The following EVI5L variants were observed in gnomAD, a reference collection of about 807,000 sequenced individuals.
EVI5L encodes the protein ecotropic viral integration site 5 like, also known as EVI5-like protein.
A neutral mutation model predicts 106.1 loss-of-function variants in EVI5L; 30 were observed. The ratio of observed to expected loss-of-function variants is 0.28; its 90% CI spans 0.21 to 0.38. EVI5L has a LOEUF of 0.38. EVI5L is among the 10% of genes least tolerant of loss of function. The pLI is 1.00. For missense variants in EVI5L, 809 were observed against 1,098.0 expected (o/e 0.74, Z 3.72); for synonymous variants, 489 against 483.3 (o/e 1.01, Z -0.15).
chr19:7,863,256 C>T lies in EVI5L; in HGVS notation c.2115C>T (p.Asp705=). The T allele has an allele frequency of 6.4e-7, 1 of 1,559,678 alleles. No individual in the cohort carries two copies. Among genetic ancestry groups the T allele is most frequent in the Non-Finnish European group, 8.7e-7 (1 of 1,151,966 alleles). The change falls in exon 19 of 20, where the codon GAC becomes GAT. Residue 705 remains aspartate, a synonymous_variant. Transcript: ENST00000538904. The surrounding 1 kb of genome is among the most constrained non-coding windows in gnomAD (Gnocchi z 7.7). ...CGCAGTACATCCGCGAGCTCAAGGA[C>T]CAGATCGAGGAGCTGAAGGCCGAGG... ...DSSQYIRELK[D]QIEELKAEVR...
chr19:7,842,887 G>T (rs972830621), intron 1 of EVI5L, among the ~76,000 whole-genome samples: 4 of 151,828 alleles, frequency 2.6e-5, no homozygotes, highest in Admixed American at 2.0e-4. Flanking sequence ...ATGTGCATGG[G>T]TATGTGTGTA....
At position 7,848,783 on chromosome 19, in the gene EVI5L, A is replaced by T; in HGVS notation, c.328-138A>T. On this transcript the variant is annotated intron_variant, in intron 3 of 19. Coordinates refer to ENST00000538904, the MANE Select transcript of EVI5L (RefSeq NM_001159944.3). The surrounding 1 kb of genome is among the most constrained non-coding windows in gnomAD (Gnocchi z 4.8). ...GACCCTGTCTCTGAAAAAAGGGGGTAAAAAAAGGATTGGGGACCATGAGTT... is the reference window on the plus strand; with the variant it reads ...GACCCTGTCTCTGAAAAAAGGGGGTTAAAAAAGGATTGGGGACCATGAGTT... The T allele has an allele frequency of 1.3e-6, 1 of 757,550 alleles. No individual in the cohort carries two copies. Among genetic ancestry groups the T allele is most frequent in the Non-Finnish European group, 2.1e-6 (1 of 477,928 alleles). The allele number at this position is 757,550 out of a possible 1,614,324, so 46.9% of individuals were successfully genotyped here.
rs568854201 is a variant in EVI5L at position 7,862,027 on chromosome 19, C to G, written c.1644+9C>G. ...TCTCGGACACCTGGCAGGTGAGGGC[C>G]GGGTGGGCGCCGGCGGGCAGAGCGC... On this transcript the variant is annotated intron_variant, in intron 15 of 19. Coordinates refer to ENST00000538904, the MANE Select transcript of EVI5L (RefSeq NM_001159944.3). The G allele has an allele frequency of 1.3e-6, 2 of 1,542,354 alleles. No individual in the cohort carries two copies. Among genetic ancestry groups the G allele is most frequent in the East Asian group, 4.9e-5 (2 of 40,812 alleles).
rs528132374 is a variant in EVI5L, at chr19:7,857,294, C to T, written c.1233+170C>T. ...GGGACACAGAGGCTTCCCGGGGGGGCGGGGCATGTGAAGTGGGGAGAAGGG... is the reference window on the plus strand; with the variant it reads ...GGGACACAGAGGCTTCCCGGGGGGGTGGGGCATGTGAAGTGGGGAGAAGGG... On this transcript the variant is annotated intron_variant, in intron 12 of 19. Transcript: ENST00000538904. This position sits in a 1 kb window ranked among gnomAD's most constrained non-coding sequence, Gnocchi z 4.5. The T allele has an allele frequency of 3.1e-5, 27 of 859,940 alleles. No individual in the cohort carries two copies. Among genetic ancestry groups the T allele is most frequent in the East Asian group, 1.9e-4 (7 of 37,718 alleles). 53.3% of individuals were successfully genotyped at this position (859,940 alleles called of 1,614,324 possible).
rs147434531 is a variant in EVI5L, at chr19:7,845,806, G to C, written c.-47-690G>C. Among the ~76,000 whole-genome samples, 14 of 152,308 alleles carry C rather than the reference G, an allele frequency of 9.2e-5. No individual in the cohort carries two copies. Among genetic ancestry groups the C allele is most frequent in the Non-Finnish European group, 8.8e-5 (6 of 68,026 alleles). On this transcript the variant is annotated intron_variant, in intron 1 of 19. Transcript: ENST00000538904. The surrounding 1 kb of genome is among the most constrained non-coding windows in gnomAD (Gnocchi z 4.0). ...GGAGAGATGTGCCTGGGACTCACCT[G>C]GCACGTGGCAGGCCAAGATCTGGAT...
chr19:7,836,758 T>G (rs1206619594), intron 1 of EVI5L, among the ~76,000 whole-genome samples: 1 of 151,850 alleles, frequency 6.6e-6, no homozygotes, highest in Non-Finnish European at 1.5e-5. Context: ...GTAGCTGGGA[T>G]TATAGCCATG....
chr19:7,848,236 T>G lies in EVI5L; in HGVS notation c.327+315T>G, dbSNP rs1979056540. ...GGGCGGCCAAGGTGGGAGGATCGCT[T>G]GAGGCCAGGAGTTCGAGGCCAGCCT... On this transcript the variant is annotated intron_variant, in intron 3 of 19. Transcript: ENST00000538904. This position sits in a 1 kb window ranked among gnomAD's most constrained non-coding sequence, Gnocchi z 4.8. Among the ~76,000 whole-genome samples, 1 of 151,914 alleles carries G rather than the reference T, an allele frequency of 6.6e-6. No homozygotes were observed.
At chr19:7,842,352 T>A (rs959099762) in intron 1 of EVI5L, among the ~76,000 whole-genome samples, 2 of 71,878 alleles carry the variant, frequency 2.8e-5, no homozygotes, top group Middle Eastern at 9.1e-3. Context: ...CATGTGTGTG[T>A]GAATGTGTAT....
rs372810558 is a variant in EVI5L at position 7,853,243 on chromosome 19, C to T, written c.1086-30C>T. 1.8e-4 allele frequency: 295 copies of T among 1,613,800 alleles called. 1 individual carries two copies. The highest frequency in any genetic ancestry group is 3.8e-5 in the Non-Finnish European group (45 of 1,180,004). On this transcript the variant is annotated intron_variant, in intron 9 of 19. Coordinates refer to ENST00000538904, the MANE Select transcript of EVI5L (RefSeq NM_001159944.3). ...GAAGGGGGGACCCCCGAGGGCATGACAGTAACCACGGGGCCCTCCCGATCT... is the reference window on the plus strand; with the variant it reads ...GAAGGGGGGACCCCCGAGGGCATGATAGTAACCACGGGGCCCTCCCGATCT...
In EVI5L at chr19:7,847,561, G is replaced by A. The variant is rs144476924; in HGVS notation, c.138-171G>A. 6.7e-3 allele frequency among the ~76,000 whole-genome samples: 1,017 copies of A among 151,990 alleles called. 13 individuals carry two copies. The highest frequency in any genetic ancestry group is 0.024 in the African/African-American group (983 of 41,478). ...AGATCACACCACTGCACTCCAGCCT[G>A]GGCGACAGAGCAAGACTCCATCTCA... On this transcript the variant is annotated intron_variant, in intron 2 of 19. Coordinates refer to ENST00000538904, the MANE Select transcript of EVI5L (RefSeq NM_001159944.3).
In EVI5L at chr19:7,848,205, C is replaced by T. The variant is rs934089361; in HGVS notation, c.327+284C>T. Among the ~76,000 whole-genome samples the T allele has an allele frequency of 1.1e-4, 16 of 152,162 alleles. No homozygotes were observed. The highest frequency in any genetic ancestry group is 3.6e-4 in the African/African-American group (15 of 41,492). On this transcript the variant is annotated intron_variant, in intron 3 of 19. Coordinates refer to ENST00000538904, the MANE Select transcript of EVI5L (RefSeq NM_001159944.3). This position sits in a 1 kb window ranked among gnomAD's most constrained non-coding sequence, Gnocchi z 4.8. Reference sequence around the variant, plus strand: ...TGGTGGCTCACGCCTGGAATCTCAGCACTTTGGGCGGCCAAGGTGGGAGGA... The same window carrying T: ...TGGTGGCTCACGCCTGGAATCTCAGTACTTTGGGCGGCCAAGGTGGGAGGA...
Position 7,856,089 on chromosome 19 carries a change from G to C in EVI5L, c.1200+21G>C, listed in dbSNP as rs750596845. 4 of 1,319,908 alleles carry C rather than the reference G, an allele frequency of 3.0e-6. No homozygotes were observed. The highest frequency in any genetic ancestry group is 3.9e-6 in the Non-Finnish European group (4 of 1,025,236). 81.8% of individuals were successfully genotyped at this position (1,319,908 alleles called of 1,614,324 possible). A position where few individuals can be genotyped will look rare whatever the true frequency, so the allele number is the denominator to read the frequency against. On this transcript the variant is annotated intron_variant, in intron 11 of 19. Coordinates refer to ENST00000538904, the MANE Select transcript of EVI5L (RefSeq NM_001159944.3). The surrounding 1 kb of genome is among the most constrained non-coding windows in gnomAD (Gnocchi z 6.6). ...AGAAGGTGAGGGGCGTGGCCACTGT[G>C]AGGACATGGTCGCCATGGGGTGTGA...
rs12979654 is a variant in EVI5L, at chr19:7,858,371, C to T, written c.1374+40C>T. ...GCGGGGCTGCTGGGCGGGGCCATGA[C>T]CCGCGCCCCCGCCCCCGCCCAACGG... On this transcript the variant is annotated intron_variant, in intron 13 of 19. Transcript: ENST00000538904. The surrounding 1 kb of genome is among the most constrained non-coding windows in gnomAD (Gnocchi z 5.7). The T allele has an allele frequency of 6.6e-7, 1 of 1,512,988 alleles. No individual in the cohort carries two copies. Among genetic ancestry groups the T allele is most frequent in the Non-Finnish European group, 8.8e-7 (1 of 1,134,418 alleles). 93.7% of individuals were successfully genotyped at this position (1,512,988 alleles called of 1,614,324 possible).
chr19:7,859,561 G>A (rs560838316), intron 13 of EVI5L, among the ~76,000 whole-genome samples: 6 of 152,364 alleles, frequency 3.9e-5, no homozygotes, highest in South Asian at 2.1e-4. Flanking sequence ...AACCACATCC[G>A]TATGATGCTG....
At chr19:7,859,383 G>A (rs1342927814) in intron 13 of EVI5L, among the ~76,000 whole-genome samples, 1 of 152,186 alleles carries the variant, frequency 6.6e-6, no homozygotes, top group Non-Finnish European at 1.5e-5. Flanking sequence ...GTGGGGTGTA[G>A]GTTGGAGAAA....
rs1252858979 is a variant in EVI5L, at chr19:7,848,251, G to A, written c.327+330G>A. 1.3e-5 allele frequency among the ~76,000 whole-genome samples: 2 copies of A among 151,268 alleles called. No homozygotes were observed. Among genetic ancestry groups the A allele is most frequent in the Non-Finnish European group, 3.0e-5 (2 of 67,726 alleles). On this transcript the variant is annotated intron_variant, in intron 3 of 19. Transcript: ENST00000538904. This position sits in a 1 kb window ranked among gnomAD's most constrained non-coding sequence, Gnocchi z 4.8. ...GAGGATCGCTTGAGGCCAGGAGTTC[G>A]AGGCCAGCCTGGGCAACGTAATGAG...
rs1185401011 is a variant in EVI5L at position 7,864,539 on chromosome 19, C to T, written c.*837C>T. The T allele has an allele frequency of 6.5e-6, 1 of 152,762 alleles. No homozygotes were observed. Among genetic ancestry groups the T allele is most frequent in the Non-Finnish European group, 1.5e-5 (1 of 68,380 alleles). 9.5% of individuals were successfully genotyped at this position (152,762 alleles called of 1,614,324 possible). ...TTTCTTCATGTGTTTCCAGCCCCAC[C>T]CTCAGCCAGAGCCAGGCCCCCAGGC... On this transcript the variant is annotated 3_prime_UTR_variant, in exon 20 of 20. Transcript: ENST00000538904. This position sits in a 1 kb window ranked among gnomAD's most constrained non-coding sequence, Gnocchi z 4.5.
chr19:7,847,481 G>A (rs925442394), intron 2 of EVI5L, among the ~76,000 whole-genome samples: 2 of 152,080 alleles, frequency 1.3e-5, no homozygotes, highest in African/African-American at 2.4e-5. Context: ...CAGCTACTCA[G>A]GAGGCTGAAG....
At chr19:7,859,249 C>G (rs1306148250) in intron 13 of EVI5L, 1 of 151,712 alleles carries the variant, frequency 6.6e-6, no homozygotes, top group Non-Finnish European at 1.5e-5. Flanking sequence ...CCTTCCTGAT[C>G]GCAGGGACCC....
Sources: gnomAD v4.1 joint callset for allele counts (sites outside exome capture counted in the v4.1 genomes callset) on GRCh38, gnomAD v4.1.1 for gene constraint, Gnocchi (gnomAD v3.1) non-coding constraint, MANE v1.5 for transcripts, NCBI Gene and HGNC (gene_info 2026-07-23, HGNC 2026-07-21) for gene names.